The following GABBR2 variants were observed in gnomAD, a reference collection of about 807,000 sequenced individuals.
GABBR2 encodes the protein G-protein coupled receptor 51.
GABBR2 carries 23 observed loss-of-function variants against 105.6 expected under a neutral mutation model. The ratio of observed to expected loss-of-function variants is 0.22; its 90% CI spans 0.16 to 0.31. The LOEUF (loss-of-function observed/expected upper bound fraction) is 0.31, where lower values mean the gene tolerates loss of function less well. Ranked by LOEUF, GABBR2 falls within the 10% of genes least tolerant of loss-of-function variation. The pLI is 1.00. For missense variants in GABBR2, 734 were observed against 1,245.5 expected (o/e 0.59, Z 6.18); for synonymous variants, 478 against 499.7 (o/e 0.96, Z 0.58).
chr9:98,469,239 G>A (rs1440389706), intron 6 of GABBR2, among the ~76,000 whole-genome samples: 1 of 152,170 alleles, frequency 6.6e-6, no homozygotes, highest in African/African-American at 2.4e-5. Context: ...CAGTGGAAGG[G>A]AAAGTAAGAA....
intron 13 of GABBR2, among the ~76,000 whole-genome samples, chr9:98,346,859 C>T (rs529360430): frequency 6.6e-6 from 1 of 152,142 alleles, no homozygotes; most frequent in Non-Finnish European, 1.5e-5. Flanking sequence ...ACTTATTTCA[C>T]TTAACATAAT....
At chr9:98,483,019 C>G (rs747855125) in intron 4 of GABBR2, among the ~76,000 whole-genome samples, 3 of 148,996 alleles carry the variant, frequency 2.0e-5, no homozygotes, top group Non-Finnish European at 2.9e-5. Context: ...CCAAATCTCT[C>G]CCCCCAGCCT....
In GABBR2 at chr9:98,655,856, G is replaced by A. The variant is rs553741005; in HGVS notation, c.321+52561C>T. On this transcript the variant is annotated intron_variant, in intron 1 of 18. Transcript: ENST00000259455. The stretch of plus-strand genomic sequence containing the variant: ...TTTTGGGGATGGGGGGCTACAGGAG[G>A]GATAGCATTAGGAGAAATACCTAAT... Among the ~76,000 whole-genome samples, 6 of 152,216 alleles carry A rather than the reference G, an allele frequency of 3.9e-5. No homozygotes were observed. The South Asian group carries it at 8.3e-4, about 21-fold the overall frequency.
At chr9:98,639,666 C>T (rs1157656579) in intron 1 of GABBR2, among the ~76,000 whole-genome samples, 1 of 152,124 alleles carries the variant, frequency 6.6e-6, no homozygotes, top group East Asian at 1.9e-4. Flanking sequence ...GTTTTCCACA[C>T]TCTGCTTTAG....
chr9:98,494,222 G>A (rs531107108), intron 4 of GABBR2, among the ~76,000 whole-genome samples: 10 of 152,296 alleles, frequency 6.6e-5, no homozygotes, highest in African/African-American at 2.4e-4. Flanking sequence ...GTGATACTTT[G>A]TCGCAGCAGT....
intron 1 of GABBR2, among the ~76,000 whole-genome samples, chr9:98,672,541 TC>T (rs1328912942): frequency 6.6e-6 from 1 of 152,258 alleles, no homozygotes; most frequent in Non-Finnish European, 1.5e-5. Context: ...TCGGTGCCTG[TC>T]TTGGCCAGAT....
intron 4 of GABBR2, among the ~76,000 whole-genome samples, chr9:98,484,609 G>A (rs1474478008): frequency 6.6e-6 from 1 of 152,178 alleles, no homozygotes; most frequent in Non-Finnish European, 1.5e-5. Context: ...CCATAGAGCA[G>A]TATAAACAGT....
intron 1 of GABBR2, among the ~76,000 whole-genome samples, chr9:98,611,159 GCTC>G (rs1829500237): frequency 6.6e-6 from 1 of 151,910 alleles, no homozygotes; most frequent in African/African-American, 2.4e-5. Flanking sequence ...CCAACAATGG[GCTC>G]CTCAGCCCCC....
intron 1 of GABBR2, among the ~76,000 whole-genome samples, chr9:98,656,391 C>G (rs1370295677): frequency 6.6e-6 from 1 of 151,876 alleles, no homozygotes; most frequent in South Asian, 2.1e-4. Flanking sequence ...GGCCTCACAT[C>G]TGACAGGCTA....
chr9:98,395,774 G>A (rs1465433803), intron 8 of GABBR2, among the ~76,000 whole-genome samples: 2 of 152,080 alleles, frequency 1.3e-5, no homozygotes, highest in Non-Finnish European at 2.9e-5. Context: ...TTTAGGGAAA[G>A]GTTGTGGTTA....
chr9:98,439,621 T>A (rs1825994925), intron 7 of GABBR2, among the ~76,000 whole-genome samples: 1 of 152,122 alleles, frequency 6.6e-6, no homozygotes, highest in South Asian at 2.1e-4. Flanking sequence ...TAGGGATGTG[T>A]GTGTGCATGC....
intron 2 of GABBR2, among the ~76,000 whole-genome samples, chr9:98,569,529 C>T (rs1828797554): frequency 6.6e-6 from 1 of 152,168 alleles, no homozygotes; most frequent in African/African-American, 2.4e-5. Flanking sequence ...AAGCGCTTTC[C>T]CTTGGAGAAA....
At chr9:98,358,496 C>T (rs949862358) in intron 13 of GABBR2, among the ~76,000 whole-genome samples, 7 of 152,210 alleles carry the variant, frequency 4.6e-5, no homozygotes, top group Non-Finnish European at 8.8e-5. Context: ...CGTCCCTCCT[C>T]GGGCTCCACA....
At chr9:98,689,660 C>T (rs552581299) in intron 1 of GABBR2, among the ~76,000 whole-genome samples, 4 of 152,280 alleles carry the variant, frequency 2.6e-5, no homozygotes, top group South Asian at 4.1e-4. Flanking sequence ...CCTCTATCCC[C>T]GACGTCTCTG....
intron 7 of GABBR2, among the ~76,000 whole-genome samples, chr9:98,428,572 A>C (rs995242603): frequency 2.0e-5 from 3 of 152,220 alleles, no homozygotes; most frequent in African/African-American, 2.4e-5. Context: ...ACTTGGCCCC[A>C]TGCTCAGCCT....
chr9:98,579,030 G>T (rs528855208), intron 1 of GABBR2, among the ~76,000 whole-genome samples: 2 of 152,232 alleles, frequency 1.3e-5, no homozygotes, highest in South Asian at 4.2e-4. Flanking sequence ...TGTTGGAGGT[G>T]GATGATGGTG....
intron 1 of GABBR2, among the ~76,000 whole-genome samples, chr9:98,584,072 C>G (rs35228818): frequency 6.6e-6 from 1 of 152,208 alleles, no homozygotes; most frequent in Non-Finnish European, 1.5e-5. Flanking sequence ...CAGAGCCACT[C>G]TAAGTGGGGG....
chr9:98,447,452 T>C (rs1262224554), intron 7 of GABBR2, among the ~76,000 whole-genome samples: 1 of 152,026 alleles, frequency 6.6e-6, no homozygotes, highest in Non-Finnish European at 1.5e-5. Context: ...AGTCTCTACA[T>C]TGGAAAGTAA....
chr9:98,665,790 C>T (rs1163491422), intron 1 of GABBR2, among the ~76,000 whole-genome samples: 3 of 152,208 alleles, frequency 2.0e-5, no homozygotes, highest in Non-Finnish European at 4.4e-5. Flanking sequence ...GTCCAACCTG[C>T]CAGCAACAAA....
Sources: gnomAD v4.1 joint callset for allele counts (sites outside exome capture counted in the v4.1 genomes callset) on GRCh38, gnomAD v4.1.1 for gene constraint, MANE v1.5 for transcripts, NCBI Gene and HGNC (gene_info 2026-07-23, HGNC 2026-07-21) for gene names.